PIK3C2G: variants seen among roughly 807,000 people sequenced by gnomAD.
The protein encoded by PIK3C2G is phosphatidylinositol 3-kinase C2 domain-containing subunit gamma.
Under a neutral mutation model 181.1 loss-of-function variants are expected in PIK3C2G, and 168 were observed. That is an observed-to-expected ratio of 0.93 (90% CI 0.82 to 1.05). The LOEUF is 1.05. PIK3C2G is among the 50% of genes least tolerant of loss of function. The pLI is 0.00. For missense variants in PIK3C2G, 1,869 were observed against 1,732.8 expected (o/e 1.08, Z -1.40); for synonymous variants, 573 against 592.2 (o/e 0.97, Z 0.47).
the PIK3C2G span, among the ~76,000 whole-genome samples, chr12:18,671,377 A>G: frequency 6.6e-6 from 1 of 152,052 alleles, no homozygotes; most frequent in Non-Finnish European, 1.5e-5. Flanking sequence ...AGAAACAGAC[A>G]CATGTAGGAG....
chr12:18,442,640 T>C (rs1946806580), intron 18 of PIK3C2G, among the ~76,000 whole-genome samples: 1 of 152,138 alleles, frequency 6.6e-6, no homozygotes, highest in South Asian at 2.1e-4. Flanking sequence ...AGTAGCCATA[T>C]TATGTTTCTA....
At chr12:18,266,214 T>C (rs1472194749) in intron 1 of PIK3C2G, among the ~76,000 whole-genome samples, 1 of 152,070 alleles carries the variant, frequency 6.6e-6, no homozygotes, top group Non-Finnish European at 1.5e-5. Flanking sequence ...TTATCACATT[T>C]TGATTCCTCT....
At chr12:18,474,664 T>G (rs980804132) in intron 18 of PIK3C2G, among the ~76,000 whole-genome samples, 68 of 152,098 alleles carry the variant, frequency 4.5e-4, no homozygotes, top group African/African-American at 1.6e-3. Flanking sequence ...AGCATACAAA[T>G]AAGAAGATGA....
chr12:18,455,119 G>A (rs987568284), intron 18 of PIK3C2G, among the ~76,000 whole-genome samples: 1 of 152,120 alleles, frequency 6.6e-6, no homozygotes, highest in Non-Finnish European at 1.5e-5. Context: ...AAACATACAA[G>A]GATAGCTAAA....
chr12:18,694,239 T>C, the PIK3C2G span: 4,867 of 602,756 alleles, frequency 8.1e-3, 36 homozygotes, highest in Middle Eastern at 0.022. Context: ...TGGAGTACGA[T>C]GTGTAAGTGC....
intron 32 of PIK3C2G, 130 bp from the exon 33 acceptor site, chr12:18,647,746 C>T (rs1950223292): frequency 2.4e-6 from 1 of 420,942 alleles, no homozygotes. Context: ...ATAAAAGAGT[C>T]TGACATTAAC....
chr12:18,474,010 C>A (rs911530325), intron 18 of PIK3C2G, among the ~76,000 whole-genome samples: 1 of 152,088 alleles, frequency 6.6e-6, no homozygotes, highest in Non-Finnish European at 1.5e-5. Context: ...AAATGAGCCA[C>A]ACAGCAAAAA....
At chr12:18,719,262 C>T in the PIK3C2G span, among the ~76,000 whole-genome samples, 3 of 152,102 alleles carry the variant, frequency 2.0e-5, no homozygotes, top group African/African-American at 7.2e-5. Context: ...GCCACTTCAT[C>T]CAAATGTTGG....
At chr12:18,582,063 G>A (rs916295027) in intron 29 of PIK3C2G, among the ~76,000 whole-genome samples, 1 of 152,134 alleles carries the variant, frequency 6.6e-6, no homozygotes, top group African/African-American at 2.4e-5. Flanking sequence ...AAGCAAAAAT[G>A]GGTATGATTA....
chr12:18,364,160 C>A (rs1941471458), intron 12 of PIK3C2G, among the ~76,000 whole-genome samples: 1 of 152,176 alleles, frequency 6.6e-6, no homozygotes, highest in Non-Finnish European at 1.5e-5. Context: ...ATCCACCAGT[C>A]ATTTGCATCT....
intron 6 of PIK3C2G, among the ~76,000 whole-genome samples, chr12:18,315,775 C>A (rs895125723): frequency 6.6e-6 from 1 of 152,106 alleles, no homozygotes; most frequent in Admixed American, 6.6e-5. Context: ...GTCTTCAGAG[C>A]CCATGCATTC....
intron 5 of PIK3C2G, among the ~76,000 whole-genome samples, chr12:18,310,475 A>G (rs183906323): frequency 7.0e-4 from 106 of 152,042 alleles, no homozygotes; most frequent in African/African-American, 2.4e-3. Flanking sequence ...GTAAGTGATA[A>G]AAGAATCTGG....
intron 9 of PIK3C2G, among the ~76,000 whole-genome samples, chr12:18,340,182 T>C (rs1257900126): frequency 1.3e-5 from 2 of 152,118 alleles, no homozygotes; most frequent in Non-Finnish European, 2.9e-5. Flanking sequence ...GAAAAAAATA[T>C]ACTACAGCAG....
At chr12:18,388,473 C>A (rs1000154397) in intron 14 of PIK3C2G, among the ~76,000 whole-genome samples, 1 of 152,128 alleles carries the variant, frequency 6.6e-6, no homozygotes, top group Non-Finnish European at 1.5e-5. Context: ...CACGGTTTCA[C>A]CATGTTGGCC....
chr12:18,359,741 T>A (rs1281379438), intron 11 of PIK3C2G, among the ~76,000 whole-genome samples: 1 of 152,186 alleles, frequency 6.6e-6, no homozygotes, highest in African/African-American at 2.4e-5. Context: ...TTACTTAAAC[T>A]TGACTTTCAT....
Position 18,404,437 on chromosome 12 carries a change from G to A in PIK3C2G, c.2315+4590G>A, listed in dbSNP as rs556141544. The stretch of plus-strand genomic sequence containing the variant: ...TTATAGGGAGAGACTCAAGCTAGAG[G>A]TTACCAGGCAATGTGCTCTGTACCA... On this transcript the variant is annotated intron_variant, in intron 16 of 32. Coordinates refer to ENST00000538779, the MANE Select transcript of PIK3C2G (RefSeq NM_001288772.2). Among the ~76,000 whole-genome samples the A allele has an allele frequency of 1.7e-4, 26 of 152,232 alleles. 1 individual carries two copies. The South Asian group carries it at 5.4e-3, about 32-fold the overall frequency.
intron 16 of PIK3C2G, among the ~76,000 whole-genome samples, chr12:18,404,991 A>T (rs796348105): frequency 2.6e-5 from 4 of 152,306 alleles, no homozygotes; most frequent in African/African-American, 7.2e-5. Flanking sequence ...CACAAAGCAG[A>T]TTTGAGAGAA....
the PIK3C2G span, among the ~76,000 whole-genome samples, chr12:18,667,705 A>G: frequency 6.6e-6 from 1 of 152,192 alleles, no homozygotes; most frequent in Non-Finnish European, 1.5e-5. Context: ...TTTCATTATC[A>G]TAAAAGTCTA....
intron 16 of PIK3C2G, among the ~76,000 whole-genome samples, chr12:18,409,521 A>G (rs1944735863): frequency 6.6e-6 from 1 of 152,138 alleles, no homozygotes; most frequent in Admixed American, 6.6e-5. Flanking sequence ...TGTTCTGAAC[A>G]TGTACCCCAG....
Sources: allele counts gnomAD v4.1 joint callset (sites outside exome capture counted in the v4.1 genomes callset), GRCh38; gene constraint gnomAD v4.1.1; transcripts MANE v1.5; gene names NCBI Gene and HGNC (gene_info 2026-07-23, HGNC 2026-07-21).